The following ATXN7L1 variants were observed in gnomAD, a reference collection of about 807,000 sequenced individuals.
The protein encoded by ATXN7L1 is ataxin-7-like protein 1.
A neutral mutation model predicts 70.8 loss-of-function variants in ATXN7L1; 15 were observed. The observed-to-expected ratio is 0.21, with a 90% CI of 0.14 to 0.33. The LOEUF is 0.33. ATXN7L1 is among the 10% of genes least tolerant of loss of function. The pLI is 1.00. For synonymous variants in ATXN7L1, 440 were observed against 445.1 expected (o/e 0.99, Z 0.14); for missense variants, 975 against 1,097.1 (o/e 0.89, Z 1.57).
chr7:105,637,857 G>T (rs1193451809), intron 7 of ATXN7L1, among the ~76,000 whole-genome samples: 1 of 152,184 alleles, frequency 6.6e-6, no homozygotes, highest in Non-Finnish European at 1.5e-5. Context: ...AGGAGAGCGT[G>T]CAAAACAAAT....
intron 3 of ATXN7L1, among the ~76,000 whole-genome samples, chr7:105,740,784 T>TTTTTTTTTTTTTTTTTTTTTTTTGTG (rs556048408): frequency 1.3e-5 from 1 of 77,926 alleles, no homozygotes; most frequent in Non-Finnish European, 2.3e-5. Context: ...TTTTTTTTTT[T>TTTTTTTTTTTTTTTTTTTTTTTTGTG]AATGGAGTCT....
chr7:105,876,496 T>G lies in ATXN7L1; in HGVS notation c.63A>C (p.Lys21Asn), dbSNP rs1311182434. ...CCATTGCTCTTCCTTCTTGTTGCTT[T>G]TTCCCTGTTCCTTCGGCAGCAGCAG... ...LSAAAAEGTG[K>N]KQQEGRAMAT... Residue 21 changes from lysine (K) to asparagine (N), a missense_variant, in exon 1 of 12, where the codon AAA (lysine) becomes AAC (asparagine). Physicochemically the swap from Lys to Asn is moderately conservative, Grantham distance 94. Transcript: ENST00000419735. The G allele has an allele frequency of 1.2e-6, 2 of 1,613,820 alleles. No individual in the cohort carries two copies. Among genetic ancestry groups the G allele is most frequent in the Admixed American group, 3.3e-5 (2 of 60,000 alleles).
At chr7:105,849,104 T>C (rs973479375) in intron 2 of ATXN7L1, among the ~76,000 whole-genome samples, 6 of 152,170 alleles carry the variant, frequency 3.9e-5, no homozygotes, top group African/African-American at 1.4e-4. Context: ...AATTTGACCA[T>C]TATTGCACCA....
intron 3 of ATXN7L1, chr7:105,678,069 C>A: frequency 5.4e-5 from 42 of 774,756 alleles, no homozygotes; most frequent in Non-Finnish European, 6.1e-5. Flanking sequence ...TATGCCCTGT[C>A]AACATATGCG....
At chr7:105,679,622 G>C (rs779589989) in intron 3 of ATXN7L1, among the ~76,000 whole-genome samples, 1 of 152,296 alleles carries the variant, frequency 6.6e-6, no homozygotes, top group Non-Finnish European at 1.5e-5. Context: ...TATTTAGAAA[G>C]TTTGGTCCCT....
intron 3 of ATXN7L1, among the ~76,000 whole-genome samples, chr7:105,683,904 A>G (rs926618774): frequency 9.2e-5 from 14 of 152,214 alleles, no homozygotes; most frequent in Admixed American, 2.6e-4. Context: ...CAGATCTTAG[A>G]CCTTGAAGTT....
chr7:105,818,126 T>G (rs1039073593), intron 2 of ATXN7L1, among the ~76,000 whole-genome samples: 1 of 152,190 alleles, frequency 6.6e-6, no homozygotes, highest in Admixed American at 6.5e-5. Context: ...AGACTCTCAA[T>G]GTAACAAGCT....
At chr7:105,754,994 G>C (rs963637942) in intron 3 of ATXN7L1, among the ~76,000 whole-genome samples, 4 of 152,156 alleles carry the variant, frequency 2.6e-5, no homozygotes, top group African/African-American at 9.7e-5. Flanking sequence ...GTTTTAGTGG[G>C]ATTCCAGATA....
At chr7:105,847,209 A>C (rs17152219) in intron 2 of ATXN7L1, among the ~76,000 whole-genome samples, 26,179 of 152,142 alleles carry the variant, frequency 0.17, 2,656 homozygotes, top group East Asian at 0.53. Context: ...GTGTTCCCTG[A>C]AAAGGCACCT....
chr7:105,670,767 C>G (rs374645534), intron 3 of ATXN7L1, among the ~76,000 whole-genome samples: 3 of 151,212 alleles, frequency 2.0e-5, no homozygotes, highest in Admixed American at 1.3e-4. Flanking sequence ...ATTGAGACCA[C>G]CCTAGCCAAC....
intron 3 of ATXN7L1, among the ~76,000 whole-genome samples, chr7:105,737,760 G>T (rs1454358531): frequency 1.3e-5 from 2 of 152,252 alleles, no homozygotes; most frequent in East Asian, 3.9e-4. Flanking sequence ...ATGAAGGGGC[G>T]GAAGGAGTAA....
At chr7:105,670,053 G>C (rs1803303627) in intron 3 of ATXN7L1, among the ~76,000 whole-genome samples, 1 of 152,152 alleles carries the variant, frequency 6.6e-6, no homozygotes, top group African/African-American at 2.4e-5. Context: ...CAGAGTGAGT[G>C]GATTTTACAA....
intron 3 of ATXN7L1, among the ~76,000 whole-genome samples, chr7:105,689,825 T>A (rs981922297): frequency 3.9e-5 from 6 of 152,044 alleles, no homozygotes; most frequent in Admixed American, 1.3e-4. Context: ...GCTTCTCAGC[T>A]CCCCTGTATG....
chr7:105,809,399 G>A (rs1372723113), intron 2 of ATXN7L1, among the ~76,000 whole-genome samples: 1 of 152,016 alleles, frequency 6.6e-6, no homozygotes, highest in African/African-American at 2.4e-5. Flanking sequence ...GAAACTCCAC[G>A]CCCACTGAGC....
In ATXN7L1 at chr7:105,743,390, T is replaced by G. The variant is rs534051195; in HGVS notation, c.355+45214A>C. Reference sequence around the variant, plus strand: ...CAGTACTCCTTCAGCTGCACCTGAGTAAGAGTCCCAGGGAGGCTGCCGGCT... The same window carrying G: ...CAGTACTCCTTCAGCTGCACCTGAGGAAGAGTCCCAGGGAGGCTGCCGGCT... On this transcript the variant is annotated intron_variant, in intron 3 of 11. Coordinates refer to ENST00000419735, the MANE Select transcript of ATXN7L1 (RefSeq NM_020725.2). Among the ~76,000 whole-genome samples, 227 of 152,102 alleles carry G rather than the reference T, an allele frequency of 1.5e-3. 2 individuals are homozygous for G. Among genetic ancestry groups the G allele is most frequent in the Admixed American group, 4.5e-3 (69 of 15,278 alleles).
Position 105,788,706 on chromosome 7 carries a change from T to C in ATXN7L1, c.253A>G (p.Met85Val), listed in dbSNP as rs764049789. ...GCTGGGTAATGGCCAAATAAGTGCA[T>C]ATCTGTGGGGGAAATGAAAACAAGT... ...REVMRLNKED[M>V]HLFGHYPAHD... Residue 85 changes from methionine to valine, a missense_variant and splice_region_variant, in exon 3 of 12, where the codon ATG becomes GTG. Met to Val is a conservative substitution (Grantham distance 21). Transcript: ENST00000419735. 3.7e-6 allele frequency: 6 copies of C among 1,604,214 alleles called. No individual in the cohort carries two copies. In the South Asian group the frequency reaches 5.5e-5, roughly 15 times the overall value.
intron 2 of ATXN7L1, among the ~76,000 whole-genome samples, chr7:105,797,498 G>A (rs2116506921): frequency 6.6e-6 from 1 of 152,350 alleles, no homozygotes; most frequent in South Asian, 2.1e-4. Context: ...CTCGCCCAGA[G>A]TTGAGAACAA....
chr7:105,772,137 G>A (rs1392702885), intron 3 of ATXN7L1, among the ~76,000 whole-genome samples: 1 of 133,664 alleles, frequency 7.5e-6, no homozygotes, highest in African/African-American at 2.9e-5. Flanking sequence ...GCAGTGGCAC[G>A]ATCTCGGCTT....
chr7:105,760,113 C>T, intron 3 of ATXN7L1: 1 of 861,554 alleles, frequency 1.2e-6, no homozygotes, highest in Non-Finnish European at 1.4e-6. Flanking sequence ...ATCATGCTTT[C>T]CATATGCCAA....
Sources: allele counts gnomAD v4.1 joint callset (sites outside exome capture counted in the v4.1 genomes callset), GRCh38; gene constraint gnomAD v4.1.1; transcripts MANE v1.5; gene names NCBI Gene and HGNC (gene_info 2026-07-23, HGNC 2026-07-21).